The following MAF variants were observed in gnomAD, a reference collection of about 807,000 sequenced individuals.
MAF encodes the protein MAF bZIP transcription factor, also known as transcription factor Maf.
Under a neutral mutation model 22.0 loss-of-function variants are expected in MAF, and 10 were observed. That is an observed-to-expected ratio of 0.45 (90% CI 0.28 to 0.77). The LOEUF is 0.77. Among genes scored for constraint, MAF ranks in the 30% least tolerant of loss-of-function variants. The pLI, the probability that MAF is intolerant of heterozygous loss-of-function variation, is 0.12. For synonymous variants in MAF, 337 were observed against 255.8 expected, an observed-to-expected ratio of 1.32 and a Z score of -3.03; for missense variants, 544 against 548.4, an observed-to-expected ratio of 0.99 and a Z score of 0.08.
the MAF span, among the ~76,000 whole-genome samples, chr16:79,500,850 C>T: frequency 6.6e-6 from 1 of 152,162 alleles, no homozygotes; most frequent in Non-Finnish European, 1.5e-5. Context: ...GCTAGACCTT[C>T]TCAGAGAGTG....
downstream of MAF, among the ~76,000 whole-genome samples, chr16:79,581,285 A>T (rs1912501201): frequency 6.6e-6 from 1 of 152,210 alleles, no homozygotes; most frequent in South Asian, 2.1e-4. Flanking sequence ...GTTCATCAGG[A>T]ATGAACCTCA....
chr16:79,597,894 T>C, intron 1 of MAF: 1 of 1,037,212 alleles, frequency 9.6e-7, no homozygotes, highest in East Asian at 5.9e-5. Context: ...AGCATAATAA[T>C]GCATGAGATG....
chr16:79,547,893 T>A, the MAF span, among the ~76,000 whole-genome samples: 4 of 55,918 alleles, frequency 7.2e-5, no homozygotes, highest in Non-Finnish European at 1.6e-4. Flanking sequence ...TGTGTGTGTG[T>A]GTGTGTGTGA....
At chr16:79,543,883 T>C in the MAF span, among the ~76,000 whole-genome samples, 1 of 151,952 alleles carries the variant, frequency 6.6e-6, no homozygotes, top group East Asian at 1.9e-4. Flanking sequence ...AGACGGGGTT[T>C]CATCGTTTTA....
chr16:79,319,476 T>C, the MAF span, among the ~76,000 whole-genome samples: 1 of 152,282 alleles, frequency 6.6e-6, no homozygotes, highest in Admixed American at 6.5e-5. Context: ...TGACCTTCAG[T>C]CCCCTTCCCC....
chr16:79,284,331 C>T, the MAF span, among the ~76,000 whole-genome samples: 1 of 152,216 alleles, frequency 6.6e-6, no homozygotes, highest in Non-Finnish European at 1.5e-5. Context: ...ACGGGTACTA[C>T]TTCCACACCA....
chr16:79,520,780 C>G, the MAF span, among the ~76,000 whole-genome samples: 1 of 152,114 alleles, frequency 6.6e-6, no homozygotes, highest in Non-Finnish European at 1.5e-5. Context: ...AAGAGCAGGA[C>G]ACCCAGGGCA....
the MAF span, among the ~76,000 whole-genome samples, chr16:79,377,141 C>T: frequency 1.8e-4 from 27 of 152,178 alleles, no homozygotes; most frequent in Non-Finnish European, 2.8e-4. Context: ...GTCCCACCAA[C>T]GGTGTAAAAG....
At chr16:79,204,122 A>G in the MAF span, 1 of 152,008 alleles carries the variant, frequency 6.6e-6, no homozygotes, top group African/African-American at 2.4e-5. Context: ...ATTTCAAACC[A>G]ACCATGGAAG....
At chr16:79,488,096 G>C in the MAF span, among the ~76,000 whole-genome samples, 1 of 152,192 alleles carries the variant, frequency 6.6e-6, no homozygotes, top group African/African-American at 2.4e-5. Context: ...TGGAGACCTG[G>C]AGTGACGCAT....
chr16:79,382,452 G>C, the MAF span, among the ~76,000 whole-genome samples: 2 of 152,168 alleles, frequency 1.3e-5, no homozygotes, highest in African/African-American at 4.8e-5. Context: ...TGGCTATTGA[G>C]CACTTGAAAT....
At chr16:79,252,281 AAAACTTTATTTATTTATAAAT>A in the MAF span, among the ~76,000 whole-genome samples, 607 of 151,926 alleles carry the variant, frequency 4.0e-3, 7 homozygotes, top group Admixed American at 0.024. Flanking sequence ...ATGTTCCAAT[AAAACTTTATTTATTTATAAAT>A]AAACTTTATT....
chr16:79,511,250 A>G, the MAF span, among the ~76,000 whole-genome samples: 1 of 152,110 alleles, frequency 6.6e-6, no homozygotes, highest in Admixed American at 6.5e-5. Context: ...CCTTTTCAAA[A>G]AAAAAGAAAA....
At chr16:79,556,006 G>C in the MAF span, among the ~76,000 whole-genome samples, 3 of 138,724 alleles carry the variant, frequency 2.2e-5, no homozygotes, top group African/African-American at 7.5e-5. Context: ...TGTTTAGTTT[G>C]TTTTGTTAGT....
the MAF span, among the ~76,000 whole-genome samples, chr16:79,301,459 A>G: frequency 1.3e-5 from 2 of 152,166 alleles, no homozygotes; most frequent in African/African-American, 2.4e-5. Context: ...TTTCTATGAC[A>G]AAGCTGGAGG....
At position 79,599,617 on chromosome 16, in the gene MAF, C is replaced by A; in HGVS notation, c.286G>T (p.Gly96Cys). The A allele has an allele frequency of 6.2e-7, 1 of 1,610,970 alleles. No homozygotes were observed. Among genetic ancestry groups the A allele is most frequent in the Non-Finnish European group, 8.5e-7 (1 of 1,179,256 alleles). The stretch of plus-strand genomic sequence containing the variant: ...TCGGGGTTCAGCTGCTGCGGGTAGC[C>A]GGTCATCCAGTAGTAGTCTTCCAGG... ...AHLEDYYWMTGYPQQLNPEAL... is the reference protein window; with the variant it reads ...AHLEDYYWMTCYPQQLNPEAL... The change falls in exon 1 of 2, where the codon GGC becomes TGC. Residue 96 changes from glycine (G) to cysteine (C), a missense_variant. By Grantham distance (159) the Gly-to-Cys change is radical. Transcript: ENST00000326043.
At chr16:79,565,851 G>A in the MAF span, among the ~76,000 whole-genome samples, 23 of 152,264 alleles carry the variant, frequency 1.5e-4, no homozygotes, top group South Asian at 4.1e-4. Flanking sequence ...GAAATATTCC[G>A]AGGTAGGCAG....
chr16:79,448,177 A>T, the MAF span, among the ~76,000 whole-genome samples: 1 of 152,202 alleles, frequency 6.6e-6, no homozygotes, highest in South Asian at 2.1e-4. Flanking sequence ...ATAGTGCCAC[A>T]TGCCACAGAG....
At chr16:79,486,287 G>C in the MAF span, among the ~76,000 whole-genome samples, 1 of 152,108 alleles carries the variant, frequency 6.6e-6, no homozygotes, top group Non-Finnish European at 1.5e-5. Context: ...TGAAATTTAT[G>C]TAAAATAAAG....
Sources: allele counts gnomAD v4.1 joint callset (sites outside exome capture counted in the v4.1 genomes callset), GRCh38; gene constraint gnomAD v4.1.1; transcripts MANE v1.5; gene names NCBI Gene and HGNC (gene_info 2026-07-23, HGNC 2026-07-21).